NRG1: variants seen among roughly 807,000 people sequenced by gnomAD.
The protein encoded by NRG1 is pro-neuregulin-1, membrane-bound isoform.
In NRG1, 18 loss-of-function variants were observed where a neutral mutation model predicts 63.8. The ratio of observed to expected loss-of-function variants is 0.28; its 90% CI spans 0.19 to 0.42. NRG1 has a LOEUF of 0.42. Ranked by LOEUF, NRG1 falls within the 10% of genes least tolerant of loss-of-function variation. NRG1 has a pLI of 1.00. For synonymous variants in NRG1, 302 were observed against 301.3 expected (o/e 1.00, Z -0.02); for missense variants, 762 against 814.7 (o/e 0.94, Z 0.79).
intron 1 of NRG1, among the ~76,000 whole-genome samples, chr8:32,329,841 ACCTTTAGGTTTTGGG>A (rs79908164): frequency 0.21 from 32,066 of 151,542 alleles, 3,908 homozygotes; most frequent in Non-Finnish European, 0.29. Context: ...CAAAACCACA[ACCTTTAGGTTTTGGG>A]GGGTTTTGGT....
intron 5 of NRG1, among the ~76,000 whole-genome samples, chr8:32,677,617 A>G (rs566550003): frequency 6.6e-6 from 1 of 152,226 alleles, no homozygotes; most frequent in East Asian, 1.9e-4. Context: ...AGATCATGCC[A>G]CTGCACTCCA....
At chr8:32,410,674 C>A (rs1814791915) in intron 1 of NRG1, among the ~76,000 whole-genome samples, 1 of 152,032 alleles carries the variant, frequency 6.6e-6, no homozygotes, top group Non-Finnish European at 1.5e-5. Context: ...AGAAACTAAC[C>A]ACTTTTAGAC....
chr8:32,190,221 C>CT (rs1320892372), intron 1 of NRG1, among the ~76,000 whole-genome samples: 6 of 149,602 alleles, frequency 4.0e-5, no homozygotes, highest in African/African-American at 1.5e-4. Context: ...TTTACTCTTT[C>CT]TTTTTTAAAA....
intron 1 of NRG1, among the ~76,000 whole-genome samples, chr8:32,149,197 T>C (rs1837226690): frequency 6.6e-6 from 1 of 152,170 alleles, no homozygotes; most frequent in Non-Finnish European, 1.5e-5. Context: ...AGTATAAGCC[T>C]TCACAAGGAA....
exon 12 of NRG1, chr8:32,766,545 C>T (rs1041650703): frequency 1.3e-5 from 2 of 152,298 alleles, no homozygotes; most frequent in Non-Finnish European, 2.9e-5. Context: ...GAATTTAAAA[C>T]CCTAAAAATT....
At chr8:32,527,931 G>A (rs1448532447) in intron 1 of NRG1, among the ~76,000 whole-genome samples, 1 of 152,088 alleles carries the variant, frequency 6.6e-6, no homozygotes, top group Admixed American at 6.5e-5. Flanking sequence ...CTTCTCCCCA[G>A]TTCTCCTGCA....
intron 1 of NRG1, among the ~76,000 whole-genome samples, chr8:32,493,016 A>G (rs779408221): frequency 6.6e-6 from 1 of 152,194 alleles, no homozygotes; most frequent in Non-Finnish European, 1.5e-5. Context: ...CATCCAAGAC[A>G]GAGCTTAAAG....
intron 1 of NRG1, among the ~76,000 whole-genome samples, chr8:32,410,817 A>G (rs1168672272): frequency 3.3e-5 from 5 of 151,792 alleles, no homozygotes; most frequent in Non-Finnish European, 7.4e-5. Context: ...AAGGAAATCT[A>G]TATATTTGCA....
intron 1 of NRG1, among the ~76,000 whole-genome samples, chr8:31,806,120 AT>A (rs1288377965): frequency 6.6e-6 from 1 of 152,202 alleles, no homozygotes; most frequent in African/African-American, 2.4e-5. Flanking sequence ...GCCATAATTT[AT>A]ATTCATTAAA....
intron 1 of NRG1, among the ~76,000 whole-genome samples, chr8:31,798,584 A>G (rs1203440557): frequency 6.6e-6 from 1 of 152,190 alleles, no homozygotes; most frequent in East Asian, 1.9e-4. Context: ...TTGCTTAGGA[A>G]TCAGTGCCAT....
intron 1 of NRG1, among the ~76,000 whole-genome samples, chr8:32,155,981 T>C (rs1386857091): frequency 6.6e-6 from 1 of 152,186 alleles, no homozygotes; most frequent in Non-Finnish European, 1.5e-5. Context: ...AAGGGTTATT[T>C]CCACACAGCA....
At chr8:32,606,329 A>C (rs17665595) in intron 3 of NRG1, among the ~76,000 whole-genome samples, 1,931 of 152,000 alleles carry the variant, frequency 0.013, 19 homozygotes, top group Non-Finnish European at 0.022. Flanking sequence ...AATTTTTTTT[A>C]GGCCTATTAA....
intron 1 of NRG1, among the ~76,000 whole-genome samples, chr8:31,895,499 G>T (rs1831508205): frequency 6.6e-6 from 1 of 152,246 alleles, no homozygotes; most frequent in Admixed American, 6.5e-5. Flanking sequence ...TAATCCTGGA[G>T]TCTGAGTGTA....
exon 11 of NRG1, chr8:32,760,356 G>T (rs759438308): frequency 3.7e-6 from 6 of 1,613,844 alleles, no homozygotes; most frequent in South Asian, 3.3e-5. Context: ...GCTTCCTCAG[G>T]CATGCCAGAG....
chr8:32,181,824 T>C (rs897223613), intron 1 of NRG1, among the ~76,000 whole-genome samples: 1 of 152,198 alleles, frequency 6.6e-6, no homozygotes, highest in Non-Finnish European at 1.5e-5. Context: ...AAAATAAGTA[T>C]TTCTATTTAT....
intron 1 of NRG1, among the ~76,000 whole-genome samples, chr8:32,453,868 T>C (rs929058766): frequency 6.6e-6 from 1 of 152,180 alleles, no homozygotes; most frequent in African/African-American, 2.4e-5. Context: ...AGCCTTTCCA[T>C]CCCTGCACAT....
chr8:32,284,655 C>T (rs1205876360), intron 1 of NRG1, among the ~76,000 whole-genome samples: 3 of 152,064 alleles, frequency 2.0e-5, no homozygotes, highest in African/African-American at 7.2e-5. Context: ...CTCAGCCTCC[C>T]GAGTAGCTGG....
intron 1 of NRG1, among the ~76,000 whole-genome samples, chr8:32,038,900 G>GT (rs1433240805): frequency 6.6e-6 from 1 of 152,076 alleles, no homozygotes; most frequent in East Asian, 1.9e-4. Context: ...CCAAGTGCCT[G>GT]TTTTTTCTGT....
At chr8:32,225,925 G>T (rs1846272225) in intron 1 of NRG1, among the ~76,000 whole-genome samples, 1 of 152,042 alleles carries the variant, frequency 6.6e-6, no homozygotes, top group South Asian at 2.1e-4. Context: ...TTTATTTTTA[G>T]CTCTCCTGAG....
Sources: gnomAD v4.1 joint callset for allele counts (sites outside exome capture counted in the v4.1 genomes callset) on GRCh38, gnomAD v4.1.1 for gene constraint, MANE v1.5 for transcripts, NCBI Gene and HGNC (gene_info 2026-07-23, HGNC 2026-07-21) for gene names.